The following AFF2 variants were observed in gnomAD, a reference collection of about 807,000 sequenced individuals.
The protein encoded by AFF2 is ALF transcription elongation factor 2, also known as AF4/FMR2 family member 2.
Under a neutral mutation model 76.9 loss-of-function variants are expected in AFF2, and 14 were observed. That is an observed-to-expected ratio of 0.18 (90% CI 0.12 to 0.28). The LOEUF is 0.28. Ranked by LOEUF, AFF2 falls within the 10% of genes least tolerant of loss-of-function variation. The pLI is 1.00. For synonymous variants in AFF2, 398 were observed against 366.7 expected (o/e 1.09, Z -0.98); for missense variants, 868 against 1,001.1 (o/e 0.87, Z 1.79).
At chrX:148,510,156 A>C (rs139219413) in intron 1 of AFF2, among the ~76,000 whole-genome samples, 5 of 112,043 alleles carry the variant, frequency 4.5e-5, no homozygotes, top group African/African-American at 1.3e-4. Context: ...TAATGCTGCC[A>C]GTTCAGAGTG....
chrX:148,529,130 A>G (rs1437347364), intron 1 of AFF2, among the ~76,000 whole-genome samples: 2 of 112,182 alleles, frequency 1.8e-5, no homozygotes, highest in Non-Finnish European at 3.8e-5. Flanking sequence ...AAATAAGCCC[A>G]TCTGTTTTCT....
chrX:148,782,714 G>C (rs1359829842), intron 3 of AFF2, among the ~76,000 whole-genome samples: 3 of 111,162 alleles, frequency 2.7e-5, no homozygotes, highest in Non-Finnish European at 5.7e-5. Context: ...CTTTAATTTA[G>C]CCTAATTGGT....
chrX:148,839,411 A>C (rs2070569285), intron 5 of AFF2, among the ~76,000 whole-genome samples: 1 of 112,232 alleles, frequency 8.9e-6, no homozygotes, highest in Admixed American at 9.4e-5. Flanking sequence ...AGCACTTAAT[A>C]TATAGTAAAT....
chrX:148,594,191 G>T (rs1557246998), intron 1 of AFF2, among the ~76,000 whole-genome samples: 1 of 110,241 alleles, frequency 9.1e-6, no homozygotes, highest in African/African-American at 3.3e-5. Flanking sequence ...GGCTCTTGTG[G>T]CTCGGTTAGA....
At chrX:148,632,340 T>C (rs1488424122) in intron 1 of AFF2, among the ~76,000 whole-genome samples, 1 of 111,592 alleles carries the variant, frequency 9.0e-6, no homozygotes, top group Non-Finnish European at 1.9e-5. Flanking sequence ...TTACATAGTA[T>C]AATATTTATA....
chrX:148,875,876 A>G (rs1359005339), intron 7 of AFF2, among the ~76,000 whole-genome samples: 1 of 111,577 alleles, frequency 9.0e-6, no homozygotes, highest in Non-Finnish European at 1.9e-5. Flanking sequence ...CTGGAATGAT[A>G]CTAGATTAAT....
intron 15 of AFF2, among the ~76,000 whole-genome samples, chrX:148,971,000 C>G (rs1445360949): frequency 1.8e-5 from 2 of 111,291 alleles, no homozygotes; most frequent in East Asian, 5.6e-4. Flanking sequence ...GATTCAGGTC[C>G]ACCAAAAAGA....
At chrX:148,641,211 TATTA>T (rs782124642) in intron 1 of AFF2, among the ~76,000 whole-genome samples, 7 of 112,075 alleles carry the variant, frequency 6.2e-5, no homozygotes, top group African/African-American at 1.3e-4. Flanking sequence ...CAAATTAATG[TATTA>T]ATTAATATTT....
chrX:148,505,793 C>T (rs1356495766), intron 1 of AFF2, among the ~76,000 whole-genome samples: 2 of 112,140 alleles, frequency 1.8e-5, no homozygotes, highest in African/African-American at 6.5e-5. Context: ...ACAATTTTTG[C>T]TGCAGTGACT....
chrX:148,566,144 A>G (rs1399479774), intron 1 of AFF2, among the ~76,000 whole-genome samples: 9 of 111,282 alleles, frequency 8.1e-5, no homozygotes, highest in Non-Finnish European at 1.7e-4. Context: ...TCATTATCGT[A>G]TGGTGCAAAT....
chrX:148,817,769 A>G (rs1477514370), intron 4 of AFF2, among the ~76,000 whole-genome samples: 1 of 111,858 alleles, frequency 8.9e-6, no homozygotes, highest in Admixed American at 9.5e-5. Flanking sequence ...AGGATATACA[A>G]TATCACCAAG....
intron 1 of AFF2, among the ~76,000 whole-genome samples, chrX:148,624,531 T>C (rs1557251741): frequency 8.9e-6 from 1 of 112,363 alleles, no homozygotes; most frequent in Non-Finnish European, 1.9e-5. Context: ...ATTTTTTCTT[T>C]ATGTATAGAT....
At chrX:148,843,284 T>C in intron 6 of AFF2, 98 bp from the exon 7 acceptor site, 1 of 712,854 alleles carries the variant, frequency 1.4e-6, no homozygotes, top group Non-Finnish European at 2.1e-6. Flanking sequence ...CTCAAGAAGG[T>C]AACTCGGGGG....
chrX:148,926,454 G>A (rs1318875885), intron 9 of AFF2, among the ~76,000 whole-genome samples: 2 of 111,602 alleles, frequency 1.8e-5, no homozygotes, highest in Non-Finnish European at 3.8e-5. Flanking sequence ...CTCCACCAAT[G>A]ACAGTGGCCG....
At chrX:148,581,645 TATATAC>T (rs1419571154) in intron 1 of AFF2, among the ~76,000 whole-genome samples, 1 of 105,020 alleles carries the variant, frequency 9.5e-6, no homozygotes, top group South Asian at 4.2e-4. Context: ...TGTACACACA[TATATAC>T]ATATACGTAT....
intron 1 of AFF2, among the ~76,000 whole-genome samples, chrX:148,512,490 A>G (rs1021948306): frequency 2.7e-5 from 3 of 112,500 alleles, no homozygotes; most frequent in Admixed American, 9.4e-5. Flanking sequence ...AACAAAAAAT[A>G]GAAATTTGAT....
At chrX:148,529,262 A>G (rs1234007381) in intron 1 of AFF2, among the ~76,000 whole-genome samples, 3 of 111,780 alleles carry the variant, frequency 2.7e-5, no homozygotes, top group Non-Finnish European at 3.8e-5. Flanking sequence ...GAGGGAGTGG[A>G]CTGCCATGCA....
intron 1 of AFF2, among the ~76,000 whole-genome samples, chrX:148,581,548 ACGTGTACACACATATATACGTATACG>A (rs2053405517): frequency 1.0e-5 from 1 of 98,058 alleles, no homozygotes; most frequent in African/African-American, 3.8e-5. Context: ...GTATACGTCT[ACGTGTACACACATATATACGTATACG>A]TATACGTGTA....
At chrX:148,694,175 C>T (rs1465080405) in intron 3 of AFF2, among the ~76,000 whole-genome samples, 1 of 72,854 alleles carries the variant, frequency 1.4e-5, no homozygotes, top group African/African-American at 5.7e-5. Flanking sequence ...GTTGTGGGGT[C>T]GGGGGGGGGG....
Sources: gnomAD v4.1 joint callset for allele counts (sites outside exome capture counted in the v4.1 genomes callset) on GRCh38, gnomAD v4.1.1 for gene constraint, MANE v1.5 for transcripts, NCBI Gene and HGNC (gene_info 2026-07-23, HGNC 2026-07-21) for gene names.